Variants in GLB1 observed in about 807,000 individuals in gnomAD.
GLB1 encodes beta-galactosidase.
Under a neutral mutation model 74.0 loss-of-function variants are expected in GLB1, and 56 were observed. The ratio of observed to expected loss-of-function variants is 0.76; its 90% CI spans 0.61 to 0.94. The LOEUF is 0.94. Among genes scored for constraint, GLB1 ranks in the 40% least tolerant of loss-of-function variants. The probability of loss-of-function intolerance (pLI) is 0.00; values close to 1 mark genes in which losing one functional copy is unlikely to be tolerated. For synonymous variants in GLB1, 323 were observed against 323.6 expected (o/e 1.00, Z 0.02); for missense variants, 787 against 845.5 (o/e 0.93, Z 0.86).
chr3:33,077,205 T>C (rs1482544167), intron 1 of GLB1: 8 of 1,517,200 alleles, frequency 5.3e-6, no homozygotes, highest in Non-Finnish European at 6.2e-6. Context: ...GCGCTTGCCG[T>C]GGCAGATGAA....
chr3:33,036,357 C>A (rs1251727676), intron 10 of GLB1, among the ~76,000 whole-genome samples: 1 of 152,126 alleles, frequency 6.6e-6, no homozygotes. Context: ...TAAAAATGTG[C>A]TGTTATAATG....
intron 4 of GLB1, among the ~76,000 whole-genome samples, chr3:33,067,690 T>C (rs1699740780): frequency 6.6e-6 from 1 of 152,196 alleles, no homozygotes; most frequent in South Asian, 2.1e-4. Context: ...TCAATACCAA[T>C]TCAAAGAATT....
the GLB1 span, among the ~76,000 whole-genome samples, chr3:32,961,946 G>A: frequency 6.6e-6 from 1 of 152,102 alleles, no homozygotes; most frequent in Non-Finnish European, 1.5e-5. Context: ...CTGTAATCCC[G>A]GTACTTTGGG....
chr3:33,028,585 ATATGAG>A (rs938645930), intron 10 of GLB1, among the ~76,000 whole-genome samples: 2 of 152,022 alleles, frequency 1.3e-5, no homozygotes, highest in Non-Finnish European at 2.9e-5. Flanking sequence ...AGGTCAAAGG[ATATGAG>A]TATAAGACTC....
downstream of GLB1, among the ~76,000 whole-genome samples, chr3:32,991,668 C>T (rs1345679125): frequency 6.6e-6 from 1 of 152,208 alleles, no homozygotes; most frequent in East Asian, 1.9e-4. Flanking sequence ...CAGAACCCAG[C>T]TACTGTGTTA....
chr3:33,019,766 G>A (rs1180084241), intron 12 of GLB1, among the ~76,000 whole-genome samples: 1 of 152,236 alleles, frequency 6.6e-6, no homozygotes, highest in Admixed American at 6.5e-5. Flanking sequence ...AGGGCTTCCA[G>A]AAGGAGGGGT....
rs1453448400 is a variant in GLB1, at chr3:32,997,008, T to A, written c.*37A>T. On this transcript the variant is annotated 3_prime_UTR_variant, in exon 16 of 16. Coordinates refer to ENST00000307363, the MANE Select transcript of GLB1 (RefSeq NM_000404.4). ...GACAGGGAGGATCTGTGAGGTATGT[T>A]CAGGGTAGAATCCCTCAAAGACACA... The A allele has an allele frequency of 6.2e-7, 1 of 1,614,062 alleles. No individual in the cohort carries two copies. The highest frequency in any genetic ancestry group is 2.2e-5 in the East Asian group (1 of 44,878).
At chr3:32,992,919 G>T (rs961460430), downstream of GLB1, among the ~76,000 whole-genome samples, 2 of 152,224 alleles carry the variant, frequency 1.3e-5, no homozygotes, top group African/African-American at 4.8e-5. Flanking sequence ...TGCTCAGTCA[G>T]ACCAAGAGCA....
At chr3:33,025,814 GCTGA>G (rs1697722542) in intron 10 of GLB1, among the ~76,000 whole-genome samples, 1 of 152,206 alleles carries the variant, frequency 6.6e-6, no homozygotes, top group African/African-American at 2.4e-5. Context: ...CCCCGAGGCA[GCTGA>G]CTGTGCCGTC....
Position 33,068,882 on chromosome 3 carries a change from G to C in GLB1, c.334C>G (p.His112Asp). The change falls in exon 3 of 16, where the codon CAT (histidine) becomes GAT (aspartate). Residue 112 changes from histidine to aspartate, a missense_variant. By Grantham distance (81) the His-to-Asp change is moderately conservative. Transcript: ENST00000307363. ...AGGATAACCAGCAGTCCCAGCTCAT[G>C]AGCCAGCCGAAGAAAATATTCCACA... Reference protein sequence around the residue: ...HDVEYFLRLAHELGLLVILRP... With the variant: ...HDVEYFLRLADELGLLVILRP... 3.1e-6 allele frequency: 5 copies of C among 1,614,142 alleles called. No homozygotes were observed. The highest frequency in any genetic ancestry group is 4.2e-6 in the Non-Finnish European group (5 of 1,180,038).
At chr3:32,982,200 C>A in the GLB1 span, among the ~76,000 whole-genome samples, 1 of 151,658 alleles carries the variant, frequency 6.6e-6, no homozygotes, top group Non-Finnish European at 1.5e-5. Context: ...GTAATCACAG[C>A]TCCTTGGGAG....
intron 9 of GLB1, 61 bp from the exon 10 acceptor site, chr3:33,046,293 T>G: frequency 6.3e-7 from 1 of 1,592,156 alleles, no homozygotes; most frequent in African/African-American, 1.3e-5. Flanking sequence ...ACAAGTTCTT[T>G]GGGATCCATG....
intron 15 of GLB1, among the ~76,000 whole-genome samples, chr3:33,008,306 C>T (rs1214796178): frequency 6.6e-6 from 1 of 152,032 alleles, no homozygotes; most frequent in Non-Finnish European, 1.5e-5. Context: ...AAATGGGACT[C>T]GGCAGAAAGA....
intron 15 of GLB1, among the ~76,000 whole-genome samples, chr3:33,004,036 A>G (rs1303486637): frequency 6.6e-6 from 1 of 152,180 alleles, no homozygotes; most frequent in Non-Finnish European, 1.5e-5. Context: ...TTTCAAAAAA[A>G]AAAAGGGGTA....
At chr3:33,080,174 G>C (rs972155450) in intron 1 of GLB1, among the ~76,000 whole-genome samples, 1 of 151,956 alleles carries the variant, frequency 6.6e-6, no homozygotes. Context: ...CACAGTCTCA[G>C]CTCACTGCAA....
chr3:32,977,708 G>A, the GLB1 span, among the ~76,000 whole-genome samples: 1 of 152,110 alleles, frequency 6.6e-6, no homozygotes, highest in Non-Finnish European at 1.5e-5. Flanking sequence ...TGTCATGAAG[G>A]CTCCCTCAGT....
chr3:33,063,807 C>T (rs1699548288), intron 5 of GLB1, among the ~76,000 whole-genome samples: 1 of 152,168 alleles, frequency 6.6e-6, no homozygotes, highest in Non-Finnish European at 1.5e-5. Context: ...CCAGTACAGA[C>T]ACAAGATGGT....
chr3:32,987,778 C>T, the GLB1 span, among the ~76,000 whole-genome samples: 2 of 152,056 alleles, frequency 1.3e-5, no homozygotes, highest in African/African-American at 4.8e-5. Flanking sequence ...ATTAGGTACA[C>T]CTTAATAGTT....
At chr3:33,085,698 A>C (rs1387631965) in intron 1 of GLB1, among the ~76,000 whole-genome samples, 1 of 152,132 alleles carries the variant, frequency 6.6e-6, no homozygotes, top group Non-Finnish European at 1.5e-5. Context: ...TAGATTAAAA[A>C]AAAAAACAAA....
Sources: allele counts gnomAD v4.1 joint callset (sites outside exome capture counted in the v4.1 genomes callset), GRCh38; gene constraint gnomAD v4.1.1; transcripts MANE v1.5; gene names NCBI Gene and HGNC (gene_info 2026-07-23, HGNC 2026-07-21).